The following CHAF1B variants were observed in gnomAD, a reference collection of about 807,000 sequenced individuals.
CHAF1B encodes chromatin assembly factor 1 subunit B.
A neutral mutation model predicts 60.7 loss-of-function variants in CHAF1B; 10 were observed. The ratio of observed to expected loss-of-function variants is 0.16; its 90% CI spans 0.10 to 0.28. The LOEUF (loss-of-function observed/expected upper bound fraction) is 0.28, where lower values mean the gene tolerates loss of function less well. Among genes scored for constraint, CHAF1B ranks in the 10% least tolerant of loss-of-function variants. The pLI, the probability that CHAF1B is intolerant of heterozygous loss-of-function variation, is 1.00. For synonymous variants in CHAF1B, 261 were observed against 266.1 expected (o/e 0.98, Z 0.19); for missense variants, 558 against 708.4 (o/e 0.79, Z 2.41).
At chr21:36,410,108 G>C (rs567335103) in intron 10 of CHAF1B, among the ~76,000 whole-genome samples, 1 of 151,718 alleles carries the variant, frequency 6.6e-6, no homozygotes, top group African/African-American at 2.4e-5. Flanking sequence ...GATTACAGGC[G>C]CATGCCACCA....
intron 8 of CHAF1B, among the ~76,000 whole-genome samples, chr21:36,407,794 A>T (rs1436249612): frequency 1.3e-5 from 2 of 152,122 alleles, no homozygotes; most frequent in Non-Finnish European, 2.9e-5. Flanking sequence ...CCTGGCCAAC[A>T]TGGTGAAACC....
rs1295073684 is a variant in CHAF1B, at chr21:36,413,255, C to T, written c.1433C>T (p.Ala478Val). Residue 478 changes from alanine (A) to valine (V), a missense_variant, in exon 12 of 14, where the codon GCC (alanine) becomes GTC (valine). Transcript: ENST00000314103. Reference sequence around the variant, plus strand: ...CAGCCCAGTAGTCAAAACACAAAAGCCCACCCATCCCGGAGGGTCACTCTG... The same window carrying T: ...CAGCCCAGTAGTCAAAACACAAAAGTCCACCCATCCCGGAGGGTCACTCTG... ...TLQPSSQNTK[A>V]HPSRRVTLNT... The T allele has an allele frequency of 3.1e-6, 5 of 1,613,500 alleles. No homozygotes were observed. Among genetic ancestry groups the T allele is most frequent in the Non-Finnish European group, 4.2e-6 (5 of 1,179,814 alleles).
Position 36,416,621 on chromosome 21 carries a change from C to T in CHAF1B, c.*255C>T, listed in dbSNP as rs185095355. ...TTTTGATGAGTTTCTGAAACTGGAG[C>T]GGTTCAACGTTATCCAGTGTGAAAA... On this transcript the variant is annotated 3_prime_UTR_variant, in exon 14 of 14. Coordinates refer to ENST00000314103, the MANE Select transcript of CHAF1B (RefSeq NM_005441.3). The T allele has an allele frequency of 4.3e-5, 15 of 352,644 alleles. No homozygotes were observed. The highest frequency in any genetic ancestry group is 8.1e-5 in the Admixed American group (2 of 24,582). 21.8% of individuals were successfully genotyped at this position (352,644 alleles called of 1,614,324 possible). A position where few individuals can be genotyped will look rare whatever the true frequency, so the allele number is the denominator to read the frequency against.
intron 2 of CHAF1B, among the ~76,000 whole-genome samples, chr21:36,387,123 C>T (rs1322549956): frequency 2.6e-5 from 4 of 151,776 alleles, no homozygotes; most frequent in Non-Finnish European, 4.4e-5. Context: ...AGAAAGAAGG[C>T]GGAGGGGGAC....
At chr21:36,395,128 G>A (rs2086126697) in intron 5 of CHAF1B, among the ~76,000 whole-genome samples, 1 of 152,134 alleles carries the variant, frequency 6.6e-6, no homozygotes. Context: ...TTAGCTCACT[G>A]AAATCTCCAC....
At chr21:36,408,405 A>G (rs150924553) in intron 8 of CHAF1B, among the ~76,000 whole-genome samples, 5 of 152,164 alleles carry the variant, frequency 3.3e-5, no homozygotes, top group Non-Finnish European at 7.4e-5. Flanking sequence ...CTAGGGAGAA[A>G]GGAGCCTGGG....
chr21:36,416,297 C>A lies in CHAF1B; in HGVS notation c.1611C>A (p.Gly537=), dbSNP rs138120217. 7.8e-5 allele frequency: 126 copies of A among 1,613,964 alleles called. No homozygotes were observed. The African/African-American group carries it at 1.5e-3, about 19-fold the overall frequency. The change falls in exon 14 of 14, where the codon GGC becomes GGA. Residue 537 remains glycine (G), a synonymous_variant. Coordinates refer to ENST00000314103, the MANE Select transcript of CHAF1B (RefSeq NM_005441.3). ...CAGAGACGCCTGGAGACGCTCAGGG[C>A]AGTCCCCCAGAGCTAAAGCGGCCCA... ...IQSETPGDAQ[G]SPPELKRPRL...
At chr21:36,386,379 T>C in intron 2 of CHAF1B, 117 bp downstream of exon 2, 4 of 1,290,388 alleles carry the variant, frequency 3.1e-6, no homozygotes, top group Non-Finnish European at 4.3e-6. Flanking sequence ...TCCCAGTGCT[T>C]TGGGAGGCTG....
intron 8 of CHAF1B, among the ~76,000 whole-genome samples, chr21:36,405,226 A>AT (rs2086228600): frequency 6.6e-6 from 1 of 152,218 alleles, no homozygotes; most frequent in Non-Finnish European, 1.5e-5. Context: ...CTGCAATAGG[A>AT]TTGTATTTCT....
At chr21:36,399,673 C>T in intron 7 of CHAF1B, 68 bp downstream of exon 7, 2 of 1,276,914 alleles carry the variant, frequency 1.6e-6, no homozygotes, top group South Asian at 2.4e-5. Context: ...ATGAGCTCCT[C>T]CCATACCCTT....
intron 3 of CHAF1B, among the ~76,000 whole-genome samples, chr21:36,389,295 TA>T (rs2086062638): frequency 6.6e-6 from 1 of 152,030 alleles, no homozygotes; most frequent in African/African-American, 2.4e-5. Flanking sequence ...TTAAATGGGA[TA>T]AAACTATATG....
Position 36,408,643 on chromosome 21 carries a change from A to C in CHAF1B, c.758-118A>C, listed in dbSNP as rs1007242304. The C allele has an allele frequency of 9.1e-5, 62 of 677,768 alleles. No homozygotes were observed. The Admixed American group carries it at 1.0e-3, about 11-fold the overall frequency. The allele number at this position is 677,768 out of a possible 1,614,324, so 42.0% of individuals were successfully genotyped here. On this transcript the variant is annotated intron_variant, in intron 8 of 13. Coordinates refer to ENST00000314103, the MANE Select transcript of CHAF1B (RefSeq NM_005441.3). Reference sequence around the variant, plus strand: ...TCTGTCACAACATTGTCCAGAGAATATAACTGCAGGGGGAAGTATTTTGCA... The same window carrying C: ...TCTGTCACAACATTGTCCAGAGAATCTAACTGCAGGGGGAAGTATTTTGCA...
chr21:36,392,664 G>A (rs1046688029), intron 4 of CHAF1B, among the ~76,000 whole-genome samples: 7 of 151,662 alleles, frequency 4.6e-5, no homozygotes, highest in South Asian at 4.2e-4. Context: ...GGCGGCTGCC[G>A]GGCGGAGGGG....
intron 7 of CHAF1B, among the ~76,000 whole-genome samples, chr21:36,401,886 G>A (rs1271479004): frequency 6.6e-6 from 1 of 151,606 alleles, no homozygotes; most frequent in Non-Finnish European, 1.5e-5. Context: ...GATTACAGGC[G>A]TGTGCCACCA....
At chr21:36,387,762 G>A (rs1485293006) in intron 3 of CHAF1B, 32 bp downstream of exon 3, 2 of 1,612,946 alleles carry the variant, frequency 1.2e-6, no homozygotes, top group South Asian at 2.2e-5. Context: ...AGATTCTTCG[G>A]GAACCAGATA....
At position 36,408,800 on chromosome 21, in the gene CHAF1B, C is replaced by G. The variant is rs1362785825; in HGVS notation, c.797C>G (p.Thr266Ser). ...VESGENVMNT[T>S]YVFSRKNLKR... Reference sequence around the variant, plus strand: ...TCTGGTGAAAATGTAATGAATACCACTTATGTTTTCTCCAGGAAGAATCTT... The same window carrying G: ...TCTGGTGAAAATGTAATGAATACCAGTTATGTTTTCTCCAGGAAGAATCTT... Residue 266 changes from threonine to serine, a missense_variant, in exon 9 of 14, where the codon ACT (threonine) becomes AGT (serine). Coordinates refer to ENST00000314103, the MANE Select transcript of CHAF1B (RefSeq NM_005441.3). The G allele has an allele frequency of 6.2e-7, 1 of 1,608,850 alleles. No homozygotes were observed. The highest frequency in any genetic ancestry group is 1.3e-5 in the African/African-American group (1 of 74,926).
At position 36,416,456 on chromosome 21, in the gene CHAF1B, A is replaced by G. The variant is rs2086320660; in HGVS notation, c.*90A>G. ...GGAGGTGCCTGAGACCAGGGCTTCC[A>G]TGGAGCGGGACACACTGTAAATGGA... On this transcript the variant is annotated 3_prime_UTR_variant, in exon 14 of 14. Transcript: ENST00000314103. 1 of 966,032 alleles carries G rather than the reference A, an allele frequency of 1.0e-6. No individual in the cohort carries two copies. Among genetic ancestry groups the G allele is most frequent in the East Asian group, 2.5e-5 (1 of 39,406 alleles). 59.8% of individuals were successfully genotyped at this position (966,032 alleles called of 1,614,324 possible).
At chr21:36,415,936 A>G (rs1239127356) in intron 13 of CHAF1B, 3 of 322,468 alleles carry the variant, frequency 9.3e-6, no homozygotes, top group Non-Finnish European at 1.8e-5. Flanking sequence ...TATTTTTAGT[A>G]GAGTCGGGGG....
intron 5 of CHAF1B, among the ~76,000 whole-genome samples, chr21:36,396,829 C>T (rs541310614): frequency 6.6e-6 from 1 of 152,122 alleles, no homozygotes; most frequent in Non-Finnish European, 1.5e-5. Context: ...CACCTCCTAA[C>T]TAGTGACCCT....
Sources: gnomAD v4.1 joint callset for allele counts (sites outside exome capture counted in the v4.1 genomes callset) on GRCh38, gnomAD v4.1.1 for gene constraint, MANE v1.5 for transcripts, NCBI Gene and HGNC (gene_info 2026-07-23, HGNC 2026-07-21) for gene names.